The following VTCN1 variants were observed in gnomAD, a reference collection of about 807,000 sequenced individuals.
VTCN1 encodes the protein V-set domain containing T cell activation inhibitor 1, also known as V-set domain-containing T-cell activation inhibitor 1.
Under a neutral mutation model 26.5 loss-of-function variants are expected in VTCN1, and 26 were observed. That is an observed-to-expected ratio of 0.98 (90% confidence interval 0.72 to 1.36). The LOEUF (loss-of-function observed/expected upper bound fraction) is 1.36, where lower values mean the gene tolerates loss of function less well. Ranked by LOEUF, VTCN1 falls within the 40% of genes most tolerant of loss-of-function variation. The pLI, the probability that VTCN1 is intolerant of heterozygous loss-of-function variation, is 0.00. For synonymous variants in VTCN1, 116 were observed against 130.7 expected (o/e 0.89, Z 0.77); for missense variants, 298 against 337.7 (o/e 0.88, Z 0.92).
At chr1:117,166,671 A>G (rs996913117) in intron 2 of VTCN1, among the ~76,000 whole-genome samples, 1 of 150,420 alleles carries the variant, frequency 6.6e-6, no homozygotes, top group Non-Finnish European at 1.5e-5. Flanking sequence ...AAAAAAAAAG[A>G]AAGAAAAAGA....
At chr1:117,154,628 A>T (rs1651971288) in intron 3 of VTCN1, among the ~76,000 whole-genome samples, 1 of 152,018 alleles carries the variant, frequency 6.6e-6, no homozygotes, top group Non-Finnish European at 1.5e-5. Flanking sequence ...TACTAAAAAT[A>T]CAAAATTAGC....
intron 1 of VTCN1, among the ~76,000 whole-genome samples, chr1:117,190,847 A>G (rs1648209751): frequency 6.6e-6 from 1 of 152,242 alleles, no homozygotes; most frequent in South Asian, 2.1e-4. Context: ...CACTAATGCA[A>G]GTCTATGCAC....
At chr1:117,198,391 A>G (rs1280505226) in intron 1 of VTCN1, among the ~76,000 whole-genome samples, 1 of 152,224 alleles carries the variant, frequency 6.6e-6, no homozygotes, top group Non-Finnish European at 1.5e-5. Context: ...AGATAGTGGG[A>G]CAGTGGAGTA....
chr1:117,168,438 A>C (rs1652723400), intron 2 of VTCN1, among the ~76,000 whole-genome samples: 1 of 152,218 alleles, frequency 6.6e-6, no homozygotes, highest in African/African-American at 2.4e-5. Flanking sequence ...ATAAATGTGA[A>C]AGACAAAACA....
In VTCN1 at chr1:117,145,419, A is replaced by C. The variant is rs980068266; in HGVS notation, c.*46-194T>G. Among the ~76,000 whole-genome samples, 1 of 152,112 alleles carries C rather than the reference A, an allele frequency of 6.6e-6. No homozygotes were observed. The highest frequency in any genetic ancestry group is 2.4e-5 in the African/African-American group (1 of 41,406). ...TGCTGGGGAAAAAGAGATGGCTTGA[A>C]TCTCTCCTTAACGGGGTATCATCCC... On this transcript the variant is annotated intron_variant, in intron 5 of 5. Transcript: ENST00000369458. The surrounding 1 kb of genome is among the most constrained non-coding windows in gnomAD (Gnocchi z 4.6).
intron 1 of VTCN1, among the ~76,000 whole-genome samples, chr1:117,170,469 AATG>A (rs761758790): frequency 6.6e-6 from 1 of 152,298 alleles, no homozygotes; most frequent in Non-Finnish European, 1.5e-5. Context: ...TTGGGGCAAG[AATG>A]ATGAAAACAT....
chr1:117,149,113 T>C (rs1414445415), intron 4 of VTCN1, among the ~76,000 whole-genome samples: 1 of 152,188 alleles, frequency 6.6e-6, no homozygotes, highest in African/African-American at 2.4e-5. Flanking sequence ...TGGGGATCCC[T>C]TCTCATAAAA....
intron 4 of VTCN1, among the ~76,000 whole-genome samples, chr1:117,151,398 G>C (rs774996129): frequency 5.3e-5 from 8 of 152,170 alleles, no homozygotes; most frequent in Non-Finnish European, 1.0e-4. Context: ...GACCCAAAGA[G>C]TGAGCAGCAG....
chr1:117,203,457 A>C (rs1317402418), intron 1 of VTCN1, among the ~76,000 whole-genome samples: 1 of 152,024 alleles, frequency 6.6e-6, no homozygotes, highest in African/African-American at 2.4e-5. Flanking sequence ...TTGCAGAAAA[A>C]GAAAGAGGAA....
rs573918002 is a variant in VTCN1, at chr1:117,200,581, T to A, written c.32+10243A>T. Among the ~76,000 whole-genome samples, 215 of 152,314 alleles carry A rather than the reference T, an allele frequency of 1.4e-3. 1 individual carries two copies. Among genetic ancestry groups the A allele is most frequent in the African/African-American group, 5.1e-3 (211 of 41,572 alleles). On this transcript the variant is annotated intron_variant, in intron 1 of 5. Coordinates refer to ENST00000369458, the MANE Select transcript of VTCN1 (RefSeq NM_024626.4). ...TCTTCTTTGCCTCCTTACCCAGATG[T>A]AGCCCGCCTACATAGATCCCCAAAT...
chr1:117,181,237 T>G (rs1415392709), intron 1 of VTCN1, among the ~76,000 whole-genome samples: 3 of 144,952 alleles, frequency 2.1e-5, no homozygotes, highest in Non-Finnish European at 4.5e-5. Flanking sequence ...GGCAACATAG[T>G]GAGACCCTGT....
At chr1:117,162,328 A>G (rs1205939506) in intron 2 of VTCN1, among the ~76,000 whole-genome samples, 2 of 152,270 alleles carry the variant, frequency 1.3e-5, no homozygotes, top group Non-Finnish European at 2.9e-5. Context: ...CCACATGTAA[A>G]TATTACTTCT....
In VTCN1 at chr1:117,203,390, C is replaced by T. The variant is rs192017362; in HGVS notation, c.32+7434G>A. On this transcript the variant is annotated intron_variant, in intron 1 of 5. Coordinates refer to ENST00000369458, the MANE Select transcript of VTCN1 (RefSeq NM_024626.4). ...AGACAATTCCTAAATTTTATGGATGCACTGTCTGTCTCTCAAATCTTTCAT... is the reference window on the plus strand; with the variant it reads ...AGACAATTCCTAAATTTTATGGATGTACTGTCTGTCTCTCAAATCTTTCAT... Among the ~76,000 whole-genome samples, 571 of 152,224 alleles carry T rather than the reference C, an allele frequency of 3.8e-3. 2 individuals are homozygous for T. The highest frequency in any genetic ancestry group is 8.4e-3 in the Admixed American group (128 of 15,288).
chr1:117,196,393 T>C (rs1648507608), intron 1 of VTCN1, among the ~76,000 whole-genome samples: 1 of 145,934 alleles, frequency 6.9e-6, no homozygotes, highest in African/African-American at 2.7e-5. Flanking sequence ...TAAATACATA[T>C]ATATATATAT....
intron 3 of VTCN1, among the ~76,000 whole-genome samples, chr1:117,154,783 C>CA (rs916361996): frequency 0.046 from 1,814 of 39,202 alleles, 28 homozygotes; most frequent in Non-Finnish European, 0.071. Flanking sequence ...AACTCCATCT[C>CA]AAAAAAAAAA....
At position 117,167,998 on chromosome 1, in the gene VTCN1, AAG is replaced by A. The variant is rs923998482; in HGVS notation, c.97+2107_97+2108del. Among the ~76,000 whole-genome samples, 6 of 152,224 alleles carry A rather than the reference AAG, an allele frequency of 3.9e-5. No homozygotes were observed. Among genetic ancestry groups the A allele is most frequent in the Non-Finnish European group, 5.9e-5 (4 of 68,010 alleles). On this transcript the variant is annotated intron_variant, in intron 2 of 5. Coordinates refer to ENST00000369458, the MANE Select transcript of VTCN1 (RefSeq NM_024626.4). This position sits in a 1 kb window ranked among gnomAD's most constrained non-coding sequence, Gnocchi z 4.1. Reference sequence around the variant, plus strand: ...AAAGAGAGAAGACTAGAGAGAAAGAAAGAGAGAAAAAAAACCGAAATTATGAA... The same window carrying A: ...AAAGAGAGAAGACTAGAGAGAAAGAAAGAGAAAAAAAACCGAAATTATGAA...
At chr1:117,194,329 C>T (rs1468699447) in intron 1 of VTCN1, among the ~76,000 whole-genome samples, 1 of 152,122 alleles carries the variant, frequency 6.6e-6, no homozygotes, top group Non-Finnish European at 1.5e-5. Flanking sequence ...GATATCACCT[C>T]ACACCTGTTA....
At chr1:117,201,566 T>G (rs2101601507) in intron 1 of VTCN1, among the ~76,000 whole-genome samples, 1 of 152,296 alleles carries the variant, frequency 6.6e-6, no homozygotes. Flanking sequence ...GCCCCTAATA[T>G]TCCTTGCATA....
At chr1:117,210,681 G>A in intron 1 of VTCN1, 143 bp downstream of exon 1, 1 of 855,804 alleles carries the variant, frequency 1.2e-6, no homozygotes, top group Non-Finnish European at 1.9e-6. Flanking sequence ...CTCTTGTCTG[G>A]CCAGGCTCCC....
Sources: allele counts gnomAD v4.1 joint callset (sites outside exome capture counted in the v4.1 genomes callset), GRCh38; gene constraint gnomAD v4.1.1; non-coding constraint Gnocchi (gnomAD v3.1); transcripts MANE v1.5; gene names NCBI Gene and HGNC (gene_info 2026-07-23, HGNC 2026-07-21).